The following MGAM variants were observed in gnomAD, a reference collection of about 807,000 sequenced individuals.
The protein encoded by MGAM is alpha-1,4-glucosidase.
A neutral mutation model predicts 358.8 loss-of-function variants in MGAM; 253 were observed. The ratio of observed to expected loss-of-function variants is 0.71; its 90% CI spans 0.64 to 0.78. MGAM has a LOEUF of 0.78. MGAM is among the 30% of genes least tolerant of loss of function. The pLI is 0.00. For missense variants in MGAM, 3,080 were observed against 3,432.6 expected, an observed-to-expected ratio of 0.90 and a Z score of 2.57; for synonymous variants, 1,105 against 1,227.1, an observed-to-expected ratio of 0.90 and a Z score of 2.08.
Position 142,045,310 on chromosome 7 carries a change from A to G in MGAM, c.2499-2475A>G, listed in dbSNP as rs765555113. ...ATGATATATAATATATATTATATGT[A>G]CCTATAATATATGATATATAATATA... On this transcript the variant is annotated intron_variant, in intron 21 of 70. Coordinates refer to ENST00000475668, the MANE Select transcript of MGAM (RefSeq NM_001365693.1). Among the ~76,000 whole-genome samples the G allele has an allele frequency of 1.0e-4, 6 of 58,236 alleles. No homozygotes were observed. In the East Asian group the frequency reaches 3.1e-3, roughly 30 times the overall value. The allele number at this position is 58,236 out of a possible 152,430, so 38.2% of individuals were successfully genotyped here. A position where few individuals can be genotyped will look rare whatever the true frequency, so the allele number is the denominator to read the frequency against.
intron 24 of MGAM, among the ~76,000 whole-genome samples, chr7:142,051,384 G>C (rs1473502097): frequency 2.6e-5 from 4 of 152,122 alleles, no homozygotes; most frequent in Admixed American, 2.0e-4. Context: ...CTGGGGACTA[G>C]TAGAACAGGG....
chr7:142,034,477 C>T, intron 15 of MGAM, 98 bp downstream of exon 15: 1 of 1,068,492 alleles, frequency 9.4e-7, no homozygotes, highest in Non-Finnish European at 1.3e-6. Flanking sequence ...CATAAAATTT[C>T]TTAAGACAAA....
chr7:142,093,810 G>A (rs913152695), intron 60 of MGAM, among the ~76,000 whole-genome samples: 1 of 146,200 alleles, frequency 6.8e-6, no homozygotes, highest in Non-Finnish European at 1.5e-5. Context: ...CTCACATGGA[G>A]ACATCATAAT....
At chr7:141,995,551 T>C (rs532765554), upstream of MGAM, among the ~76,000 whole-genome samples, 1 of 152,316 alleles carries the variant, frequency 6.6e-6, no homozygotes, top group African/African-American at 2.4e-5. Context: ...TCTTTTGGAA[T>C]ACTGGGGTCA....
In MGAM at chr7:142,008,532, C is replaced by G; in HGVS notation, c.154C>G (p.Pro52Ala). 1 of 1,612,252 alleles carries G rather than the reference C, an allele frequency of 6.2e-7. No individual in the cohort carries two copies. The highest frequency in any genetic ancestry group is 8.5e-7 in the Non-Finnish European group (1 of 1,179,062). Residue 52 changes from proline (P) to alanine (A), a missense_variant, in exon 3 of 71, where the codon CCA becomes GCA. By Grantham distance (27) the Pro-to-Ala change is conservative (BLOSUM62 -1). This residue lies in a region of MGAM where 1,816 missense variants were observed against 1,840.5 expected (regional missense o/e 0.99). Transcript: ENST00000475668. ...CCCAGATCCTGGGACAACTGGTACC[C>G]CAGATCCTGGGACAACTGGTACCCC... ...TAPDPGTTGT[P>A]DPGTTGTPDP... is the part of the protein sequence containing the mutation.
intron 21 of MGAM, among the ~76,000 whole-genome samples, chr7:142,045,167 A>G (rs146722856): frequency 0.021 from 2,197 of 103,544 alleles, 166 homozygotes; most frequent in African/African-American, 0.081. Flanking sequence ...TATATAATAT[A>G]TATATTATAT....
chr7:142,006,934 T>C (rs1554452627), intron 2 of MGAM, among the ~76,000 whole-genome samples: 1 of 152,148 alleles, frequency 6.6e-6, no homozygotes, highest in African/African-American at 2.4e-5. Flanking sequence ...TCTTCAATAT[T>C]GTATTGGCCC....
At chr7:142,010,251 T>C (rs1203521881) in intron 3 of MGAM, among the ~76,000 whole-genome samples, 1 of 152,100 alleles carries the variant, frequency 6.6e-6, no homozygotes, top group Non-Finnish European at 1.5e-5. Context: ...ATCACTCGAT[T>C]ATCTAACTCT....
chr7:142,006,271 A>G (rs1405847501), intron 2 of MGAM, among the ~76,000 whole-genome samples: 3 of 152,076 alleles, frequency 2.0e-5, no homozygotes, highest in African/African-American at 7.2e-5. Flanking sequence ...CCAAATAGGA[A>G]CCATAAGGTG....
chr7:142,097,494 C>T, intron 65 of MGAM, 99 bp from the exon 66 acceptor site: 2 of 1,209,330 alleles, frequency 1.7e-6, no homozygotes, highest in South Asian at 1.2e-5. Flanking sequence ...CAAGTGGGCC[C>T]AAGGCCATCA....
chr7:142,009,423 A>C (rs541717140), intron 3 of MGAM, among the ~76,000 whole-genome samples: 1 of 152,258 alleles, frequency 6.6e-6, no homozygotes, highest in East Asian at 1.9e-4. Context: ...CAATAGCTCA[A>C]TTGAGCTGTA....
Position 142,071,254 on chromosome 7 carries a change from G to T in MGAM, c.5186+136G>T. On this transcript the variant is annotated intron_variant, in intron 44 of 70. Transcript: ENST00000475668. ...ACACTTGTTTTTTCTTTGTTTTGTT[G>T]TTTGTGTGTTAATCTTTTTCAGACT... 8 of 1,130,178 alleles carry T rather than the reference G, an allele frequency of 7.1e-6. No individual in the cohort carries two copies. In the South Asian group the frequency reaches 1.2e-4, roughly 17 times the overall value. The allele number at this position is 1,130,178 out of a possible 1,614,324, so 70.0% of individuals were successfully genotyped here.
At chr7:142,016,406 A>G (rs570003340) in intron 3 of MGAM, among the ~76,000 whole-genome samples, 1 of 152,266 alleles carries the variant, frequency 6.6e-6, no homozygotes, top group East Asian at 1.9e-4. Flanking sequence ...GTTATGTACT[A>G]TCTCCCTTAA....
intron 22 of MGAM, 145 bp from the exon 23 acceptor site, chr7:142,050,090 T>C: frequency 2.8e-6 from 2 of 719,448 alleles, no homozygotes; most frequent in South Asian, 3.3e-5. Context: ...GTGATACACA[T>C]ATACAATTGA....
intron 27 of MGAM, 55 bp from the exon 28 acceptor site, chr7:142,055,503 G>A: frequency 6.2e-7 from 1 of 1,608,038 alleles, no homozygotes; most frequent in Non-Finnish European, 8.5e-7. Context: ...GTCACCTGCT[G>A]GAAACAGAGA....
At chr7:142,067,947 TATATATATATATATATAA>T (rs1259342802) in intron 42 of MGAM, among the ~76,000 whole-genome samples, 12 of 37,356 alleles carry the variant, frequency 3.2e-4, no homozygotes, top group African/African-American at 8.8e-4. Flanking sequence ...TATATATATA[TATATATATATATATATAA>T]ATATATATAT....
chr7:142,081,405 A>G (rs1814264997), intron 50 of MGAM, among the ~76,000 whole-genome samples: 1 of 145,618 alleles, frequency 6.9e-6, no homozygotes, highest in Non-Finnish European at 1.6e-5. Context: ...ATATTTTAAT[A>G]GGACCTGGAT....
intron 21 of MGAM, among the ~76,000 whole-genome samples, chr7:142,043,711 T>TAATATATACATTATATAC (rs1363264016): frequency 8.5e-6 from 1 of 117,446 alleles, no homozygotes; most frequent in African/African-American, 3.4e-5. Context: ...ATATTATATA[T>TAATATATACATTATATAC]CATGTAATAT....
intron 34 of MGAM, among the ~76,000 whole-genome samples, chr7:142,061,505 T>A (rs560107605): frequency 2.5e-4 from 38 of 152,118 alleles, no homozygotes; most frequent in Non-Finnish European, 4.6e-4. Context: ...GCTGATCTGT[T>A]TCTGTTTTCT....
Sources: gnomAD v4.1 joint callset for allele counts (sites outside exome capture counted in the v4.1 genomes callset) on GRCh38, gnomAD v4.1.1 for gene constraint, gnomAD v4.1.1 regional missense constraint, MANE v1.5 for transcripts, NCBI Gene and HGNC (gene_info 2026-07-23, HGNC 2026-07-21) for gene names.